FAM171A2: variants seen among roughly 807,000 people sequenced by gnomAD.
The protein encoded by FAM171A2 is family with sequence similarity 171 member A2, also known as protein FAM171A2.
Under a neutral mutation model 34.2 loss-of-function variants are expected in FAM171A2, and 13 were observed. That is an observed-to-expected ratio of 0.38 (90% CI 0.25 to 0.60). The LOEUF is 0.60. Among genes scored for constraint, FAM171A2 ranks in the 20% least tolerant of loss-of-function variants. The probability of loss-of-function intolerance (pLI) is 0.62; values close to 1 mark genes in which losing one functional copy is unlikely to be tolerated. For missense variants in FAM171A2, 950 were observed against 1,180.7 expected (o/e 0.80, Z 2.86); for synonymous variants, 475 against 561.2 (o/e 0.85, Z 2.17).
Position 44,353,764 on chromosome 17 carries a change from T to A in FAM171A2, c.2450A>T (p.Glu817Val), listed in dbSNP as rs2048403339. 7.0e-7 allele frequency: 1 copy of A among 1,431,424 alleles called. No homozygotes were observed. Among genetic ancestry groups the A allele is most frequent in the Non-Finnish European group, 9.1e-7 (1 of 1,092,954 alleles). The allele number at this position is 1,431,424 out of a possible 1,614,324, so 88.7% of individuals were successfully genotyped here. Residue 817 changes from glutamate (E) to valine (V), a missense_variant, in exon 8 of 8, where the codon GAG becomes GTG. Coordinates refer to ENST00000293443, the MANE Select transcript of FAM171A2 (RefSeq NM_198475.3). ...GACGTTGAACACCATCAGCGGCCGC[T>A]CCTCCCGCCGCTGCCACGGGCTCTT... The part of the protein sequence containing the change: ...DKKSPWQRRE[E>V]RPLMVFNVK
rs977704311 is a variant in FAM171A2 at position 44,359,342 on chromosome 17, C to T, written c.439+237G>A. ...GGAGAATAGAAACCACGAGAAGCCCCGATAACTGTAAACATTTATTGAACA... is the reference window on the plus strand; with the variant it reads ...GGAGAATAGAAACCACGAGAAGCCCTGATAACTGTAAACATTTATTGAACA... On this transcript the variant is annotated intron_variant, in intron 3 of 7. Transcript: ENST00000293443. The T allele has an allele frequency of 2.8e-5, 15 of 541,564 alleles. No homozygotes were observed. In the East Asian group the frequency reaches 3.8e-4, roughly 14 times the overall value. The allele number at this position is 541,564 out of a possible 1,614,324, so 33.5% of individuals were successfully genotyped here.
At chr17:44,356,135 TCTCAA>T (rs573590802) in intron 5 of FAM171A2, 33 bp downstream of exon 5, 14 of 1,525,094 alleles carry the variant, frequency 9.2e-6, no homozygotes, top group East Asian at 2.5e-5. Flanking sequence ...CACTTTCTTC[TCTCAA>T]CTCAAGCACC....
chr17:44,359,668 T>A lies in FAM171A2; in HGVS notation c.350A>T (p.Tyr117Phe). The change falls in exon 3 of 8, where the codon TAT becomes TTT. Residue 117 changes from tyrosine (Y) to phenylalanine (F), a missense_variant. Tyr to Phe is a conservative substitution (Grantham distance 22, BLOSUM62 3). Transcript: ENST00000293443. ...GAGCAGGTAGAGGCTGACAGACGCA[T>A]ACACTGCGGGAGGGATGGCCGGTCA... The part of the protein sequence containing the change: ...VPWRVDKLPL[Y>F]ASVSLYLLPE... The A allele has an allele frequency of 6.4e-7, 1 of 1,550,454 alleles. No individual in the cohort carries two copies. Among genetic ancestry groups the A allele is most frequent in the Non-Finnish European group, 8.7e-7 (1 of 1,146,816 alleles).
chr17:44,362,481 G>A (rs1374313625), intron 1 of FAM171A2, among the ~76,000 whole-genome samples: 1 of 152,154 alleles, frequency 6.6e-6, no homozygotes, highest in Non-Finnish European at 1.5e-5. Flanking sequence ...CCCCCACTCT[G>A]CTTTTCCTGC....
chr17:44,355,962 C>T lies in FAM171A2; in HGVS notation c.891G>A (p.Thr297=), dbSNP rs765245247. The stretch of plus-strand genomic sequence containing the variant: ...CCACTGCCCCACTACTCTTACCAGC[C>T]GTGGGGGAGGCCATGGCGGCCACCC... ...GYWVAAMASP[T]AGLVTITSGI... is the part of the protein sequence containing the mutation. The change falls in exon 6 of 8, where the codon ACG becomes ACA. Residue 297 remains threonine (T), a synonymous_variant. Transcript: ENST00000293443. The surrounding 1 kb of genome is among the most constrained non-coding windows in gnomAD (Gnocchi z 4.1). The T allele has an allele frequency of 3.1e-5, 47 of 1,540,436 alleles. No individual in the cohort carries two copies. The highest frequency in any genetic ancestry group is 3.0e-5 in the Non-Finnish European group (34 of 1,140,826).
In FAM171A2 at chr17:44,353,751, C is replaced by A; in HGVS notation, c.2463G>T (p.Met821Ile). The A allele has an allele frequency of 7.0e-7, 1 of 1,428,748 alleles. No homozygotes were observed. The highest frequency in any genetic ancestry group is 9.2e-7 in the Non-Finnish European group (1 of 1,091,004). The allele number at this position is 1,428,748 out of a possible 1,614,324, so 88.5% of individuals were successfully genotyped here. The change falls in exon 8 of 8, where the codon ATG (methionine) becomes ATT (isoleucine). Residue 821 changes from methionine (M) to isoleucine (I), a missense_variant. Met to Ile is a conservative substitution (Grantham distance 10). Transcript: ENST00000293443. ...PWQRREERPL[M>I]VFNVK ...GCGGGCGCTACTTGACGTTGAACACCATCAGCGGCCGCTCCTCCCGCCGCT... is the reference window on the plus strand; with the variant it reads ...GCGGGCGCTACTTGACGTTGAACACAATCAGCGGCCGCTCCTCCCGCCGCT...
chr17:44,356,716 A>G, intron 3 of FAM171A2, 128 bp from the exon 4 acceptor site: 1 of 1,047,492 alleles, frequency 9.5e-7, no homozygotes, highest in South Asian at 1.7e-5. Flanking sequence ...AGGGAGGGTG[A>G]TGCCTTGGGG....
chr17:44,362,908 A>G (rs2048453682), intron 1 of FAM171A2, among the ~76,000 whole-genome samples: 1 of 152,204 alleles, frequency 6.6e-6, no homozygotes, highest in Admixed American at 6.5e-5. Flanking sequence ...CAAGCCTGCC[A>G]TGCTCCCTCA....
At chr17:44,356,675 G>A in intron 3 of FAM171A2, 87 bp from the exon 4 acceptor site, 2 of 1,409,766 alleles carry the variant, frequency 1.4e-6, no homozygotes. Flanking sequence ...AAGGAAAAGG[G>A]GGACATGAGG....
intron 3 of FAM171A2, chr17:44,359,114 C>T (rs59115999): frequency 1.2e-5 from 2 of 162,208 alleles, no homozygotes; most frequent in Non-Finnish European, 2.7e-5. Context: ...CACCGTGGTT[C>T]CCAGCACCAG....
At position 44,353,787 on chromosome 17, in the gene FAM171A2, C is replaced by T. The variant is rs1289906354; in HGVS notation, c.2427G>A (p.Lys809=). 35 of 1,437,416 alleles carry T rather than the reference C, an allele frequency of 2.4e-5. No individual in the cohort carries two copies. Among genetic ancestry groups the T allele is most frequent in the Non-Finnish European group, 3.2e-5 (35 of 1,096,746 alleles). The allele number at this position is 1,437,416 out of a possible 1,614,324, so 89.0% of individuals were successfully genotyped here. The change falls in exon 8 of 8, where the codon AAG becomes AAA. Residue 809 remains lysine (K), a synonymous_variant. Coordinates refer to ENST00000293443, the MANE Select transcript of FAM171A2 (RefSeq NM_198475.3). ...GCTCCTCCCGCCGCTGCCACGGGCT[C>T]TTCTTGTCTCCCGCCTCGTCGCCCA... The part of the protein sequence containing the change: ...AEVGDEAGDK[K]SPWQRREERP...
intron 2 of FAM171A2, 23 bp downstream of exon 2, chr17:44,359,882 C>T (rs577670606): frequency 1.3e-6 from 2 of 1,510,188 alleles, no homozygotes; most frequent in African/African-American, 2.8e-5. Context: ...CTGTCCCCCC[C>T]CTCCACCTGC....
Position 44,355,683 on chromosome 17 carries a change from G to T in FAM171A2, c.1022+32C>A. 3 of 1,551,042 alleles carry T rather than the reference G, an allele frequency of 1.9e-6. No individual in the cohort carries two copies. On this transcript the variant is annotated intron_variant, in intron 7 of 7. Transcript: ENST00000293443. This position sits in a 1 kb window ranked among gnomAD's most constrained non-coding sequence, Gnocchi z 4.1. ...TGGGGCCCCAGGGCCCGGTACAAGTGCAGGGGAGGGTGAGGGAAGCCCCGT... is the reference window on the plus strand; with the variant it reads ...TGGGGCCCCAGGGCCCGGTACAAGTTCAGGGGAGGGTGAGGGAAGCCCCGT...
In FAM171A2 at chr17:44,353,726, G is replaced by T. The variant is rs1325534469; in HGVS notation, c.*7C>A. 1.0e-4 allele frequency: 145 copies of T among 1,390,164 alleles called. No individual in the cohort carries two copies. Among genetic ancestry groups the T allele is most frequent in the Non-Finnish European group, 1.3e-4 (141 of 1,068,588 alleles). The allele number at this position is 1,390,164 out of a possible 1,614,324, so 86.1% of individuals were successfully genotyped here. On this transcript the variant is annotated 3_prime_UTR_variant, in exon 8 of 8. Coordinates refer to ENST00000293443, the MANE Select transcript of FAM171A2 (RefSeq NM_198475.3). ...CGGGAGGGGCGGTGCCAGGCCCTGC[G>T]CGGGCGCTACTTGACGTTGAACACC... is the stretch of plus-strand genomic sequence containing the variant.
chr17:44,355,850 G>C lies in FAM171A2; in HGVS notation c.896-9C>G. On this transcript the variant is annotated splice_polypyrimidine_tract_variant and intron_variant, in intron 6 of 7. Coordinates refer to ENST00000293443, the MANE Select transcript of FAM171A2 (RefSeq NM_198475.3). The surrounding 1 kb of genome is among the most constrained non-coding windows in gnomAD (Gnocchi z 4.1). Reference sequence around the variant, plus strand: ...CGTGATGGTGACCAGCCCTGTGCCAGGCGAGGGCTTAGCGTTCAGGTGTAG... The same window carrying C: ...CGTGATGGTGACCAGCCCTGTGCCACGCGAGGGCTTAGCGTTCAGGTGTAG... 6.4e-7 allele frequency: 1 copy of C among 1,551,642 alleles called. No individual in the cohort carries two copies. The highest frequency in any genetic ancestry group is 8.7e-7 in the Non-Finnish European group (1 of 1,146,994).
At chr17:44,360,775 T>C (rs1258851404) in intron 1 of FAM171A2, among the ~76,000 whole-genome samples, 2 of 152,036 alleles carry the variant, frequency 1.3e-5, no homozygotes, top group African/African-American at 4.8e-5. Context: ...TGGGAAAAAA[T>C]TGACAGGGGA....
Position 44,353,852 on chromosome 17 carries a change from C to A in FAM171A2, c.2362G>T (p.Asp788Tyr). The A allele has an allele frequency of 1.4e-6, 2 of 1,390,684 alleles. No individual in the cohort carries two copies. The highest frequency in any genetic ancestry group is 2.9e-5 in the South Asian group (2 of 68,226). 86.1% of individuals were successfully genotyped at this position (1,390,684 alleles called of 1,614,324 possible). The stretch of plus-strand genomic sequence containing the variant: ...TCGTCCTCCGGGCTGGTGAGCGAGT[C>A]GCGCCGCAGCTCGCTGGCGCTGCTG... ...SRSSASELRRDSLTSPEDELG... is the reference protein window; with the variant it reads ...SRSSASELRRYSLTSPEDELG... The change falls in exon 8 of 8, where the codon GAC (aspartate) becomes TAC (tyrosine). Residue 788 changes from aspartate (D) to tyrosine (Y), a missense_variant. Physicochemically the swap from Asp to Tyr is radical, Grantham distance 160. This residue lies in a region of FAM171A2 where 191 missense variants were observed against 222.8 expected (regional missense o/e 0.86). Coordinates refer to ENST00000293443, the MANE Select transcript of FAM171A2 (RefSeq NM_198475.3).
Position 44,363,630 on chromosome 17 carries a change from C to T in FAM171A2, c.85G>A (p.Gly29Ser), listed in dbSNP as rs2143392763. 6 of 1,229,116 alleles carry T rather than the reference C, an allele frequency of 4.9e-6. No homozygotes were observed. The highest frequency in any genetic ancestry group is 5.1e-6 in the Non-Finnish European group (5 of 985,596). 76.1% of individuals were successfully genotyped at this position (1,229,116 alleles called of 1,614,324 possible). The part of the protein sequence containing the change: ...LLLGSASRAP[G>S]KSPPEPPSPQ... ...CTGGGGGGCTCCGGCGGCGACTTGC[C>T]GGGAGCCCGGGAGGCGCTGCCGAGC... The change falls in exon 1 of 8, where the codon GGC (glycine) becomes AGC (serine). Residue 29 changes from glycine to serine, a missense_variant. Physicochemically the swap from Gly to Ser is moderately conservative, Grantham distance 56. Around this residue, in one of 3 missense-constraint regions of FAM171A2, gnomAD observed 752 missense variants for 924.5 expected, o/e 0.81. Coordinates refer to ENST00000293443, the MANE Select transcript of FAM171A2 (RefSeq NM_198475.3).
chr17:44,355,670 G>A lies in FAM171A2; in HGVS notation c.1022+45C>T, dbSNP rs1232277453. 1.3e-6 allele frequency: 2 copies of A among 1,549,458 alleles called. No homozygotes were observed. The highest frequency in any genetic ancestry group is 1.7e-6 in the Non-Finnish European group (2 of 1,145,926). ...TTTTATGCATCTTTGGGGCCCCAGGGCCCGGTACAAGTGCAGGGGAGGGTG... is the reference window on the plus strand; with the variant it reads ...TTTTATGCATCTTTGGGGCCCCAGGACCCGGTACAAGTGCAGGGGAGGGTG... On this transcript the variant is annotated intron_variant, in intron 7 of 7. Transcript: ENST00000293443. The surrounding 1 kb of genome is among the most constrained non-coding windows in gnomAD (Gnocchi z 4.1).
Sources: allele counts gnomAD v4.1 joint callset (sites outside exome capture counted in the v4.1 genomes callset), GRCh38; gene constraint gnomAD v4.1.1; regional missense constraint gnomAD v4.1.1; non-coding constraint Gnocchi (gnomAD v3.1); transcripts MANE v1.5; gene names NCBI Gene and HGNC (gene_info 2026-07-23, HGNC 2026-07-21).